The following MEPE variants were observed in gnomAD, a reference collection of about 807,000 sequenced individuals.
The protein encoded by MEPE is matrix extracellular phosphoglycoprotein, also known as matrix, extracellular phosphoglycoprotein with ASARM motif (bone).
Under a neutral mutation model 7.3 loss-of-function variants are expected in MEPE, and 7 were observed. The ratio of observed to expected loss-of-function variants is 0.95; its 90% CI spans 0.54 to 1.79. The LOEUF (loss-of-function observed/expected upper bound fraction) is 1.79, where lower values mean the gene tolerates loss of function less well. Ranked by LOEUF, MEPE falls within the 40% of genes most tolerant of loss-of-function variation. MEPE has a pLI of 0.00. For synonymous variants in MEPE, 214 were observed against 213.1 expected (o/e 1.00, Z -0.04); for missense variants, 623 against 628.2 (o/e 0.99, Z 0.09).
At chr4:87,831,810 CA>C (rs1178547657), upstream of MEPE, among the ~76,000 whole-genome samples, 1 of 152,118 alleles carries the variant, frequency 6.6e-6, no homozygotes, top group African/African-American at 2.4e-5. Context: ...GAACAAGTCA[CA>C]AGGCTTTTAT....
intron 3 of MEPE, chr4:87,839,948 C>T (rs1308212967): frequency 4.6e-6 from 7 of 1,535,866 alleles, no homozygotes; most frequent in East Asian, 2.4e-5. Flanking sequence ...CTCTCTACTA[C>T]AAAACTCTGG....
intron 1 of MEPE, among the ~76,000 whole-genome samples, chr4:87,826,831 A>G (rs1356295462): frequency 6.6e-6 from 1 of 151,800 alleles, no homozygotes; most frequent in East Asian, 1.9e-4. Flanking sequence ...CCCACTTTTT[A>G]ATGGGGCTGT....
At position 87,846,502 on chromosome 4, in the gene MEPE, G is replaced by C; in HGVS notation, c.*56G>C. 6.5e-7 allele frequency: 1 copy of C among 1,544,512 alleles called. No homozygotes were observed. Among genetic ancestry groups the C allele is most frequent in the South Asian group, 1.3e-5 (1 of 79,152 alleles). ...CTGAAGACCTCGTCACCTGTGAGTT[G>C]ATGTAGAGGAGAGCCACCTGACAGC... is the stretch of plus-strand genomic sequence containing the variant. On this transcript the variant is annotated 3_prime_UTR_variant, in exon 4 of 4. Coordinates refer to ENST00000361056, the MANE Select transcript of MEPE (RefSeq NM_020203.6).
Position 87,845,596 on chromosome 4 carries a change from A to T in MEPE, c.728A>T (p.Asp243Val). 3 of 1,613,614 alleles carry T rather than the reference A, an allele frequency of 1.9e-6. No homozygotes were observed. The highest frequency in any genetic ancestry group is 1.7e-6 in the Non-Finnish European group (2 of 1,179,864). ...GATTTTGAAGGCAGCGGTTATACAG[A>T]TCTTCAAGAGAGAGGGGACAATGAT... Reference protein sequence around the residue: ...PSDFEGSGYTDLQERGDNDIS... With the variant: ...PSDFEGSGYTVLQERGDNDIS... Residue 243 changes from aspartate (D) to valine (V), a missense_variant, in exon 4 of 4, where the codon GAT becomes GTT. Asp to Val is a radical substitution (Grantham distance 152). Coordinates refer to ENST00000361056, the MANE Select transcript of MEPE (RefSeq NM_020203.6).
intron 2 of MEPE, among the ~76,000 whole-genome samples, chr4:87,835,523 C>T (rs2045837): frequency 0.26 from 39,439 of 152,110 alleles, 6,372 homozygotes; most frequent in Non-Finnish European, 0.34. Flanking sequence ...CATCCCATTG[C>T]CAATCATACT....
intron 2 of MEPE, among the ~76,000 whole-genome samples, chr4:87,837,480 G>A (rs61618012): frequency 0.028 from 4,205 of 152,230 alleles, 199 homozygotes; most frequent in African/African-American, 0.095. Context: ...GAGCAAGCAG[G>A]GGCATTCCCA....
intron 2 of MEPE, among the ~76,000 whole-genome samples, chr4:87,836,215 A>C (rs888843010): frequency 1.3e-5 from 2 of 152,160 alleles, no homozygotes; most frequent in Non-Finnish European, 2.9e-5. Context: ...GTATATACTC[A>C]GCCACTTGCA....
At position 87,843,872 on chromosome 4, in the gene MEPE, G is replaced by A. The variant is rs527392513; in HGVS notation, c.109-1105G>A. ...GGACAAACATGGCTTACACCATAGTGAAGAGGAAGACTTGGAATCTTCAGA... is the reference window on the plus strand; with the variant it reads ...GGACAAACATGGCTTACACCATAGTAAAGAGGAAGACTTGGAATCTTCAGA... On this transcript the variant is annotated intron_variant, in intron 3 of 3. Transcript: ENST00000361056. Among the ~76,000 whole-genome samples, 4 of 152,294 alleles carry A rather than the reference G, an allele frequency of 2.6e-5. No individual in the cohort carries two copies. In the South Asian group the frequency reaches 6.2e-4, roughly 24 times the overall value.
In MEPE at chr4:87,845,096, A is replaced by T. The variant is rs200535605; in HGVS notation, c.228A>T (p.Glu76Asp). ...GAAAGAAAGATTTGTCCCTTTCTGAAGCCAGTGAGAATAAGGGAAGTAGTA... is the reference window on the plus strand; with the variant it reads ...GAAAGAAAGATTTGTCCCTTTCTGATGCCAGTGAGAATAAGGGAAGTAGTA... ...QERKKDLSLS[E>D]ASENKGSSKS... The change falls in exon 4 of 4, where the codon GAA (glutamate) becomes GAT (aspartate). Residue 76 changes from glutamate (E) to aspartate (D), a missense_variant. Physicochemically the swap from Glu to Asp is conservative, Grantham distance 45. Coordinates refer to ENST00000361056, the MANE Select transcript of MEPE (RefSeq NM_020203.6). 4.3e-6 allele frequency: 7 copies of T among 1,613,808 alleles called. No homozygotes were observed. The African/African-American group carries it at 9.3e-5, about 22-fold the overall frequency.
In MEPE at chr4:87,845,196, A is replaced by C; in HGVS notation, c.328A>C (p.Asn110His). 2 of 1,613,990 alleles carry C rather than the reference A, an allele frequency of 1.2e-6. No homozygotes were observed. Among genetic ancestry groups the C allele is most frequent in the Non-Finnish European group, 1.7e-6 (2 of 1,179,948 alleles). The change falls in exon 4 of 4, where the codon AAT (asparagine) becomes CAT (histidine). Residue 110 changes from asparagine to histidine, a missense_variant. By Grantham distance (68) the Asn-to-His change is moderately conservative (BLOSUM62 1). Coordinates refer to ENST00000361056, the MANE Select transcript of MEPE (RefSeq NM_020203.6). ...TATCAGTAACAAAGAGAATACTCAC[A>C]ATGGCCTGAGGATGTCAATTTATCC... ...YSISNKENTHNGLRMSIYPKS... is the reference protein window; with the variant it reads ...YSISNKENTHHGLRMSIYPKS...
rs577928169 is a variant in MEPE, at chr4:87,846,337, G to T, written c.1469G>T (p.Gly490Val). ...TRNKGMPQGK[G>V]SWGRQPHSNR... ...AATAAGGGTATGCCACAAGGGAAAG[G>T]CTCCTGGGGTAGACAACCCCATTCC... The change falls in exon 4 of 4, where the codon GGC becomes GTC. Residue 490 changes from glycine to valine, a missense_variant. Transcript: ENST00000361056. 2.0e-5 allele frequency: 33 copies of T among 1,613,942 alleles called. No homozygotes were observed. The highest frequency in any genetic ancestry group is 2.3e-5 in the Non-Finnish European group (27 of 1,179,966).
chr4:87,839,698 G>T (rs921000351), intron 3 of MEPE: 1 of 1,549,606 alleles, frequency 6.5e-7, no homozygotes, highest in Non-Finnish European at 8.7e-7. Context: ...ACATACAAGG[G>T]TCACTATGAG....
chr4:87,832,829 A>G (rs1167804727), upstream of MEPE: 1 of 152,196 alleles, frequency 6.6e-6, no homozygotes, highest in African/African-American at 2.4e-5. Flanking sequence ...ACACATTTTT[A>G]GATTAAAATT....
At chr4:87,839,716 G>T (rs920976138) in intron 3 of MEPE, 1 of 1,549,996 alleles carries the variant, frequency 6.5e-7, no homozygotes, top group East Asian at 2.4e-5. Context: ...GAGAAACATG[G>T]GCATTATGTT....
intron 1 of MEPE, among the ~76,000 whole-genome samples, chr4:87,827,376 A>C (rs1251910632): frequency 6.6e-6 from 1 of 152,244 alleles, no homozygotes; most frequent in Non-Finnish European, 1.5e-5. Flanking sequence ...AGATAAAATA[A>C]AATGATAACA....
chr4:87,829,176 T>C (rs1412206962), upstream of MEPE, among the ~76,000 whole-genome samples: 1 of 152,152 alleles, frequency 6.6e-6, no homozygotes, highest in African/African-American at 2.4e-5. Flanking sequence ...TTCCCCAGAA[T>C]TTCTTCTCTG....
chr4:87,841,189 T>C lies in MEPE; in HGVS notation c.108+2504T>C, dbSNP rs377353936. On this transcript the variant is annotated intron_variant, in intron 3 of 3. Coordinates refer to ENST00000361056, the MANE Select transcript of MEPE (RefSeq NM_020203.6). ...CACTTCAGACAAGGGAGAGAAAAAA[T>C]TAGGAAGAGATTATTATAATCTACT... Among the ~76,000 whole-genome samples, 5 of 151,922 alleles carry C rather than the reference T, an allele frequency of 3.3e-5. No individual in the cohort carries two copies. The East Asian group carries it at 9.6e-4, about 29-fold the overall frequency.
At chr4:87,834,841 G>T in intron 2 of MEPE, 73 bp downstream of exon 2, 6 of 1,338,514 alleles carry the variant, frequency 4.5e-6, no homozygotes, top group African/African-American at 1.5e-5. Context: ...TTCAAGCAAC[G>T]TCTATTTAAA....
chr4:87,843,687 A>G (rs1723098694), intron 3 of MEPE, among the ~76,000 whole-genome samples: 1 of 152,174 alleles, frequency 6.6e-6, no homozygotes, highest in Non-Finnish European at 1.5e-5. Context: ...AATTAAATTC[A>G]ATCTGTTTAA....
Sources: allele counts gnomAD v4.1 joint callset (sites outside exome capture counted in the v4.1 genomes callset), GRCh38; gene constraint gnomAD v4.1.1; transcripts MANE v1.5; gene names NCBI Gene and HGNC (gene_info 2026-07-23, HGNC 2026-07-21).